Variants in DTNA observed in about 807,000 individuals in gnomAD.
DTNA encodes the protein dystrophin-related protein 3.
DTNA carries 43 observed loss-of-function variants against 100.7 expected under a neutral mutation model. That is an observed-to-expected ratio of 0.43 (90% CI 0.33 to 0.55). The LOEUF is 0.55. DTNA is among the 20% of genes least tolerant of loss of function. The probability of loss-of-function intolerance (pLI) is 0.04; values close to 1 mark genes in which losing one functional copy is unlikely to be tolerated. For synonymous variants in DTNA, 349 were observed against 347.9 expected, an observed-to-expected ratio of 1.00 and a Z score of -0.04; for missense variants, 798 against 953.9, an observed-to-expected ratio of 0.84 and a Z score of 2.15.
intron 17 of DTNA, chr18:34,866,035 C>T (rs2096698729): frequency 3.3e-6 from 5 of 1,530,378 alleles, no homozygotes; most frequent in East Asian, 2.3e-5. Context: ...CCCCATCTTG[C>T]GTTCCTTCAC....
intron 3 of DTNA, among the ~76,000 whole-genome samples, chr18:34,787,994 G>A (rs1444384344): frequency 6.6e-6 from 1 of 152,156 alleles, no homozygotes; most frequent in Non-Finnish European, 1.5e-5. Context: ...TATGCAAACC[G>A]TTGCCTTTCC....
chr18:34,732,773 T>C (rs1282681093), intron 1 of DTNA, among the ~76,000 whole-genome samples: 1 of 152,198 alleles, frequency 6.6e-6, no homozygotes, highest in Non-Finnish European at 1.5e-5. Flanking sequence ...AAATTTCAAT[T>C]TCAGATAAAT....
At chr18:34,673,359 C>T (rs144015574) in intron 1 of DTNA, among the ~76,000 whole-genome samples, 49 of 152,132 alleles carry the variant, frequency 3.2e-4, no homozygotes, top group Admixed American at 2.7e-3. Context: ...AGGCTGGTCC[C>T]GAACTCCTGG....
At chr18:34,645,334 T>C (rs553611167) in intron 1 of DTNA, among the ~76,000 whole-genome samples, 1 of 152,174 alleles carries the variant, frequency 6.6e-6, no homozygotes, top group South Asian at 2.1e-4. Context: ...TTACTTATTA[T>C]TAATAAGATT....
chr18:34,708,545 G>A (rs557482750), upstream of DTNA, among the ~76,000 whole-genome samples: 1 of 152,234 alleles, frequency 6.6e-6, no homozygotes, highest in South Asian at 2.1e-4. Flanking sequence ...CTAGAAATAT[G>A]CTTAACCTTC....
At chr18:34,832,972 C>G (rs912079748) in intron 11 of DTNA, among the ~76,000 whole-genome samples, 28 of 152,096 alleles carry the variant, frequency 1.8e-4, no homozygotes, top group Non-Finnish European at 1.0e-4. Flanking sequence ...AAATGTCATA[C>G]AAGCTTATTA....
intron 1 of DTNA, among the ~76,000 whole-genome samples, chr18:34,505,732 A>G (rs2040425000): frequency 6.6e-6 from 1 of 151,828 alleles, no homozygotes; most frequent in Admixed American, 6.6e-5. Context: ...TTTTTTATTT[A>G]TTTGAAGCAT....
rs922252353 is a variant in DTNA at position 34,888,009 on chromosome 18, A to G, written c.*275A>G. 9.1e-6 allele frequency: 9 copies of G among 985,772 alleles called. No individual in the cohort carries two copies. Among genetic ancestry groups the G allele is most frequent in the Admixed American group, 6.1e-5 (1 of 16,270 alleles). The allele number at this position is 985,772 out of a possible 1,614,324, so 61.1% of individuals were successfully genotyped here. A position where few individuals can be genotyped will look rare whatever the true frequency, so the allele number is the denominator to read the frequency against. ...GTGTGTGTTTCAAGAAGGAAAAAAA[A>G]AGACTTCTGTTCAAAGTTAACTTAT... On this transcript the variant is annotated 3_prime_UTR_variant, in exon 23 of 23. Transcript: ENST00000444659.
At chr18:34,566,961 C>A (rs2047141552) in intron 1 of DTNA, among the ~76,000 whole-genome samples, 1 of 152,180 alleles carries the variant, frequency 6.6e-6, no homozygotes. Context: ...AGGTTAATAA[C>A]TGAAATACCC....
intron 14 of DTNA, among the ~76,000 whole-genome samples, chr18:34,849,646 A>G (rs562549246): frequency 4.6e-5 from 7 of 152,342 alleles, no homozygotes; most frequent in Admixed American, 3.9e-4. Context: ...TGTTTTGTTG[A>G]GCCCCACAGT....
intron 1 of DTNA, among the ~76,000 whole-genome samples, chr18:34,590,605 C>T (rs572507039): frequency 1.9e-4 from 29 of 152,284 alleles, no homozygotes; most frequent in African/African-American, 6.5e-4. Context: ...ATTTGCCATC[C>T]ACAGAACGGT....
chr18:34,613,695 G>A (rs2054671364), intron 1 of DTNA, among the ~76,000 whole-genome samples: 1 of 152,198 alleles, frequency 6.6e-6, no homozygotes, highest in Non-Finnish European at 1.5e-5. Flanking sequence ...TTCTGTGAAG[G>A]CTGACAGAGG....
At chr18:34,839,605 A>G (rs1217040550) in intron 13 of DTNA, among the ~76,000 whole-genome samples, 1 of 152,230 alleles carries the variant, frequency 6.6e-6, no homozygotes, top group Non-Finnish European at 1.5e-5. Flanking sequence ...GTATTTTTCA[A>G]TCTAGTTCAG....
intron 1 of DTNA, among the ~76,000 whole-genome samples, chr18:34,516,196 A>AT (rs1355825954): frequency 1.3e-5 from 2 of 152,166 alleles, no homozygotes; most frequent in East Asian, 3.8e-4. Context: ...AAGGCATCAC[A>AT]TATCGGCAGG....
intron 1 of DTNA, among the ~76,000 whole-genome samples, chr18:34,622,209 A>G (rs909632666): frequency 3.3e-5 from 5 of 152,226 alleles, no homozygotes; most frequent in Admixed American, 2.0e-4. Flanking sequence ...TCATAGCACA[A>G]TGTATACATA....
chr18:34,576,032 A>G (rs1217751891), intron 1 of DTNA, among the ~76,000 whole-genome samples: 1 of 152,192 alleles, frequency 6.6e-6, no homozygotes, highest in African/African-American at 2.4e-5. Context: ...ACATGCCATG[A>G]TGTTCTTTCT....
chr18:34,754,119 C>T (rs1351492217), intron 1 of DTNA, among the ~76,000 whole-genome samples: 3 of 152,312 alleles, frequency 2.0e-5, no homozygotes, highest in South Asian at 4.1e-4. Context: ...TAAACCAAAG[C>T]TACTCTACGT....
intron 1 of DTNA, among the ~76,000 whole-genome samples, chr18:34,703,471 C>T (rs2081671443): frequency 6.6e-6 from 1 of 152,196 alleles, no homozygotes; most frequent in South Asian, 2.1e-4. Context: ...TCACAGGCTT[C>T]TCTTCCACTT....
intron 1 of DTNA, among the ~76,000 whole-genome samples, chr18:34,569,788 C>G (rs1464965511): frequency 6.6e-6 from 1 of 151,948 alleles, no homozygotes; most frequent in African/African-American, 2.4e-5. Context: ...CTATTAAGGC[C>G]TTTAGCTGAT....
Sources: gnomAD v4.1 joint callset for allele counts (sites outside exome capture counted in the v4.1 genomes callset) on GRCh38, gnomAD v4.1.1 for gene constraint, MANE v1.5 for transcripts, NCBI Gene and HGNC (gene_info 2026-07-23, HGNC 2026-07-21) for gene names.